Variants in FAM184B observed in about 807,000 individuals in gnomAD.
FAM184B encodes family with sequence similarity 184 member B.
Under a neutral mutation model 135.9 loss-of-function variants are expected in FAM184B, and 111 were observed. The observed-to-expected ratio is 0.82, with a 90% CI of 0.70 to 0.96. The LOEUF (loss-of-function observed/expected upper bound fraction) is 0.96, where lower values mean the gene tolerates loss of function less well. FAM184B is among the 40% of genes least tolerant of loss of function. The probability of loss-of-function intolerance (pLI) is 0.00; values close to 1 mark genes in which losing one functional copy is unlikely to be tolerated. For missense variants in FAM184B, 1,375 were observed against 1,323.9 expected (o/e 1.04, Z -0.60); for synonymous variants, 552 against 524.8 (o/e 1.05, Z -0.71).
At chr4:17,716,593 G>A (rs913130869) in intron 1 of FAM184B, among the ~76,000 whole-genome samples, 5 of 151,996 alleles carry the variant, frequency 3.3e-5, no homozygotes, top group African/African-American at 9.7e-5. Context: ...TCATCTGCTC[G>A]CCTCAGCCTC....
At chr4:17,716,713 A>G (rs1717406889) in intron 1 of FAM184B, among the ~76,000 whole-genome samples, 1 of 152,090 alleles carries the variant, frequency 6.6e-6, no homozygotes, top group African/African-American at 2.4e-5. Flanking sequence ...CTCATGGTCA[A>G]TCATTTCAAT....
At chr4:17,689,424 T>C (rs11947857) in intron 6 of FAM184B, among the ~76,000 whole-genome samples, 49,081 of 151,948 alleles carry the variant, frequency 0.32, 8,491 homozygotes, top group South Asian at 0.4. Flanking sequence ...GGCACCATGC[T>C]AGGTACAAGG....
intron 1 of FAM184B, among the ~76,000 whole-genome samples, chr4:17,738,922 C>T (rs2108982014): frequency 6.6e-6 from 1 of 152,318 alleles, no homozygotes; most frequent in African/African-American, 2.4e-5. Context: ...TCTGCACACG[C>T]CAGCTCCCCT....
chr4:17,633,598 A>C (rs1715030955), intron 17 of FAM184B, 91 bp downstream of exon 17: 1 of 1,204,728 alleles, frequency 8.3e-7, no homozygotes, highest in Admixed American at 3.7e-5. Context: ...GGCCTTCTGG[A>C]ATTTGGTACC....
chr4:17,734,670 G>C (rs548173845), intron 1 of FAM184B, among the ~76,000 whole-genome samples: 1 of 150,486 alleles, frequency 6.6e-6, no homozygotes, highest in Non-Finnish European at 1.5e-5. Context: ...TCATTAAAAA[G>C]TCAGGAAACA....
intron 1 of FAM184B, among the ~76,000 whole-genome samples, chr4:17,755,878 G>A (rs1385487362): frequency 6.6e-6 from 1 of 152,118 alleles, no homozygotes; most frequent in Non-Finnish European, 1.5e-5. Flanking sequence ...TGGACACATG[G>A]GGTAAACAAC....
At chr4:17,701,726 G>T (rs761976839) in intron 5 of FAM184B, among the ~76,000 whole-genome samples, 1 of 152,198 alleles carries the variant, frequency 6.6e-6, no homozygotes, top group Non-Finnish European at 1.5e-5. Flanking sequence ...GGGCAGCAGG[G>T]CCAGCTGTTC....
intron 1 of FAM184B, among the ~76,000 whole-genome samples, chr4:17,776,396 AT>A (rs759231139): frequency 5.9e-5 from 9 of 151,788 alleles, no homozygotes; most frequent in East Asian, 5.8e-4. Flanking sequence ...TTAATTAACA[AT>A]TTTTTTTTGG....
chr4:17,744,885 G>A (rs1718126638), intron 1 of FAM184B, among the ~76,000 whole-genome samples: 1 of 152,212 alleles, frequency 6.6e-6, no homozygotes, highest in South Asian at 2.1e-4. Context: ...GAAGTAGAGT[G>A]CTGAGATTGA....
intron 7 of FAM184B, among the ~76,000 whole-genome samples, chr4:17,666,469 CTTTTTTTTTTTTTT>C (rs386399397): frequency 5.2e-5 from 3 of 57,162 alleles, no homozygotes; most frequent in African/African-American, 2.1e-4. Flanking sequence ...GTGCCTGGTT[CTTTTTTTTTTTTTT>C]TTTTTTTTTT....
At chr4:17,708,685 A>G (rs1320765331) in intron 2 of FAM184B, among the ~76,000 whole-genome samples, 3 of 48,260 alleles carry the variant, frequency 6.2e-5, no homozygotes, top group African/African-American at 9.0e-5. Flanking sequence ...ATATATATAT[A>G]TATATATATA....
chr4:17,705,260 G>C, intron 4 of FAM184B, 54 bp from the exon 5 acceptor site: 6 of 1,327,334 alleles, frequency 4.5e-6, no homozygotes, highest in Non-Finnish European at 6.3e-6. Flanking sequence ...GAGGAGCAAG[G>C]AATCACCATT....
chr4:17,641,506 T>G (rs1477831491), intron 13 of FAM184B, among the ~76,000 whole-genome samples: 1 of 114,650 alleles, frequency 8.7e-6, no homozygotes, highest in Non-Finnish European at 1.7e-5. Context: ...TGAGACGGAG[T>G]CTTGCATTGT....
At chr4:17,717,757 A>G (rs1717428836) in intron 1 of FAM184B, among the ~76,000 whole-genome samples, 2 of 152,082 alleles carry the variant, frequency 1.3e-5, no homozygotes. Flanking sequence ...AGTTTTCATC[A>G]AGTTTGGCAG....
rs74452688 is a variant in FAM184B, at chr4:17,712,836, T to C, written c.142-3192A>G. On this transcript the variant is annotated intron_variant, in intron 1 of 17. Coordinates refer to ENST00000265018, the MANE Select transcript of FAM184B (RefSeq NM_015688.2). ...TAGAAAATAGGCCAATCGGGAATAG[T>C]GTATGAGAGGAAGTTTTGGGTATCA... 7.9e-4 allele frequency among the ~76,000 whole-genome samples: 120 copies of C among 152,216 alleles called. 1 individual carries two copies. The highest frequency in any genetic ancestry group is 2.5e-3 in the African/African-American group (105 of 41,526).
In FAM184B at chr4:17,647,707, C is replaced by T; in HGVS notation, c.2276G>A (p.Arg759Lys). Residue 759 changes from arginine (R) to lysine (K), a missense_variant, in exon 12 of 18, where the codon AGG becomes AAG. Arg to Lys is a conservative substitution (Grantham distance 26, BLOSUM62 2). Coordinates refer to ENST00000265018, the MANE Select transcript of FAM184B (RefSeq NM_015688.2). The part of the protein sequence containing the change: ...KDLEALQAEL[R>K]ALGRQQASSQ... The stretch of plus-strand genomic sequence containing the variant: ...GCTGGCTTGCTGTCTGCCCAGAGCC[C>T]TCAGCTCGGCCTGCAGTGCCTCCAA... 6.4e-7 allele frequency: 1 copy of T among 1,551,104 alleles called. No homozygotes were observed. Among genetic ancestry groups the T allele is most frequent in the South Asian group, 1.2e-5 (1 of 84,028 alleles).
At chr4:17,698,751 T>C (rs2108961159) in intron 5 of FAM184B, among the ~76,000 whole-genome samples, 1 of 152,300 alleles carries the variant, frequency 6.6e-6, no homozygotes, top group South Asian at 2.1e-4. Context: ...GAAAATGTTA[T>C]GTTATGTATA....
At chr4:17,776,667 C>T in intron 1 of FAM184B, among the ~76,000 whole-genome samples, 1 of 152,188 alleles carries the variant, frequency 6.6e-6, no homozygotes, top group East Asian at 1.9e-4. Flanking sequence ...GCTGGGATTA[C>T]AGGCGTGAGC....
At chr4:17,770,210 G>A (rs964709021) in intron 1 of FAM184B, among the ~76,000 whole-genome samples, 1 of 152,234 alleles carries the variant, frequency 6.6e-6, no homozygotes, top group South Asian at 2.1e-4. Flanking sequence ...GCCAGTGGTA[G>A]GTTTTAAACA....
Sources: gnomAD v4.1 joint callset for allele counts (sites outside exome capture counted in the v4.1 genomes callset) on GRCh38, gnomAD v4.1.1 for gene constraint, MANE v1.5 for transcripts, NCBI Gene and HGNC (gene_info 2026-07-23, HGNC 2026-07-21) for gene names.